Variants in RAP1GDS1 observed in about 807,000 individuals in gnomAD.
RAP1GDS1 encodes RAP1, GTP-GDP dissociation stimulator 1.
A neutral mutation model predicts 71.1 loss-of-function variants in RAP1GDS1; 35 were observed. That is an observed-to-expected ratio of 0.49 (90% CI 0.38 to 0.65). The LOEUF (loss-of-function observed/expected upper bound fraction) is 0.65, where lower values mean the gene tolerates loss of function less well. Ranked by LOEUF, RAP1GDS1 falls within the 30% of genes least tolerant of loss-of-function variation. The pLI, the probability that RAP1GDS1 is intolerant of heterozygous loss-of-function variation, is 0.00. For missense variants in RAP1GDS1, 663 were observed against 706.1 expected (o/e 0.94, Z 0.69); for synonymous variants, 229 against 243.1 (o/e 0.94, Z 0.54).
intron 2 of RAP1GDS1, among the ~76,000 whole-genome samples, chr4:98,339,994 A>G (rs1173980842): frequency 6.6e-6 from 1 of 151,738 alleles, no homozygotes; most frequent in Non-Finnish European, 1.5e-5. Flanking sequence ...TCATTCTACA[A>G]GTTGGAATAG....
intron 2 of RAP1GDS1, among the ~76,000 whole-genome samples, chr4:98,342,398 T>A (rs768609687): frequency 9.2e-5 from 14 of 152,196 alleles, no homozygotes; most frequent in Non-Finnish European, 2.1e-4. Flanking sequence ...ATAATAATTT[T>A]ATTTCTTTGA....
rs1738455906 is a variant in RAP1GDS1 at position 98,359,773 on chromosome 4, C to T, written c.361+7172C>T. On this transcript the variant is annotated intron_variant, in intron 4 of 14. Transcript: ENST00000408927. Reference sequence around the variant, plus strand: ...GAAATTGATATTTTCAGTTTTGTAGCATCATATAGTCTAATTGGAATGGAC... The same window carrying T: ...GAAATTGATATTTTCAGTTTTGTAGTATCATATAGTCTAATTGGAATGGAC... 2.6e-5 allele frequency among the ~76,000 whole-genome samples: 4 copies of T among 152,202 alleles called. No homozygotes were observed. The East Asian group carries it at 5.8e-4, about 22-fold the overall frequency.
chr4:98,269,166 T>G (rs538486162), intron 1 of RAP1GDS1, among the ~76,000 whole-genome samples: 302 of 119,444 alleles, frequency 2.5e-3, no homozygotes, highest in Non-Finnish European at 4.0e-3. Context: ...TACAGTCAAT[T>G]GATCTTCAAA....
intron 5 of RAP1GDS1, among the ~76,000 whole-genome samples, chr4:98,384,698 A>G (rs550753067): frequency 6.6e-6 from 1 of 151,738 alleles, no homozygotes; most frequent in African/African-American, 2.4e-5. Flanking sequence ...ATGATCAAGT[A>G]TTGGCATTTA....
intron 3 of RAP1GDS1, among the ~76,000 whole-genome samples, chr4:98,343,588 T>A (rs1735801611): frequency 6.6e-6 from 1 of 152,180 alleles, no homozygotes; most frequent in African/African-American, 2.4e-5. Flanking sequence ...TAAGAGATAA[T>A]ATATTTTTAA....
chr4:98,352,162 G>A (rs975788549), intron 3 of RAP1GDS1, among the ~76,000 whole-genome samples: 5 of 151,918 alleles, frequency 3.3e-5, no homozygotes, highest in African/African-American at 1.2e-4. Flanking sequence ...TGCTTCCAAA[G>A]CATATCGTTA....
intron 6 of RAP1GDS1, chr4:98,396,570 A>G (rs1744579258): frequency 1.3e-5 from 2 of 152,244 alleles, no homozygotes; most frequent in South Asian, 2.1e-4. Flanking sequence ...GGTTCATACT[A>G]TAATTTCAGT....
intron 1 of RAP1GDS1, among the ~76,000 whole-genome samples, chr4:98,272,329 G>A (rs931577675): frequency 4.6e-5 from 7 of 152,048 alleles, no homozygotes; most frequent in African/African-American, 1.7e-4. Flanking sequence ...TCCATGCTTC[G>A]GGATTTATCA....
intron 2 of RAP1GDS1, among the ~76,000 whole-genome samples, chr4:98,332,478 G>A (rs1194576455): frequency 1.3e-5 from 2 of 152,100 alleles, no homozygotes; most frequent in African/African-American, 4.8e-5. Context: ...AAAAGAGAGA[G>A]TCCCAGTTAT....
chr4:98,268,192 A>T lies in RAP1GDS1; in HGVS notation c.4+6623A>T, dbSNP rs371318185. 2.0e-5 allele frequency among the ~76,000 whole-genome samples: 3 copies of T among 152,306 alleles called. No homozygotes were observed. The South Asian group carries it at 6.2e-4, about 32-fold the overall frequency. On this transcript the variant is annotated intron_variant, in intron 1 of 14. Transcript: ENST00000408927. ...CACAAATCAATAAATGTGATACACC[A>T]CGTTAACAGAATGAAGAACAAAAAT...
At chr4:98,284,017 C>T (rs1243377396) in intron 1 of RAP1GDS1, among the ~76,000 whole-genome samples, 2 of 152,040 alleles carry the variant, frequency 1.3e-5, no homozygotes, top group Non-Finnish European at 2.9e-5. Flanking sequence ...CAAAGTTCAG[C>T]TACCTATACA....
chr4:98,378,095 C>T (rs1362841602), intron 4 of RAP1GDS1, among the ~76,000 whole-genome samples: 1 of 151,818 alleles, frequency 6.6e-6, no homozygotes, highest in Non-Finnish European at 1.5e-5. Context: ...ATTTAAATTA[C>T]ACATGTGGTT....
intron 6 of RAP1GDS1, among the ~76,000 whole-genome samples, chr4:98,397,797 C>A (rs1744772589): frequency 2.0e-5 from 3 of 152,210 alleles, no homozygotes; most frequent in Admixed American, 2.0e-4. Flanking sequence ...AAGAGGGTTT[C>A]TTGATGGAGG....
At position 98,443,015 on chromosome 4, in the gene RAP1GDS1, A is replaced by ATTTTTTTTTTTTTTTTTTTTTTTTTTTTT. The variant is rs397994660; in HGVS notation, c.*921_*922insTTTTTTTTTTTTTTTTTTTTTTTTTTTTT. On this transcript the variant is annotated 3_prime_UTR_variant, in exon 15 of 15. Transcript: ENST00000408927. ...TGAGTATAGTTCATTGAAGAATGGAATTTTTTTTTTTTTTTTTTTTTTTGC... is the reference window on the plus strand; with the variant it reads ...TGAGTATAGTTCATTGAAGAATGGAATTTTTTTTTTTTTTTTTTTTTTTTTTTTTTTTTTTTTTTTTTTTTTTTTTTTGC... 6 of 138,312 alleles carry ATTTTTTTTTTTTTTTTTTTTTTTTTTTTT rather than the reference A, an allele frequency of 4.3e-5. No homozygotes were observed. Among genetic ancestry groups the ATTTTTTTTTTTTTTTTTTTTTTTTTTTTT allele is most frequent in the African/African-American group, 1.6e-4 (4 of 25,348 alleles). The allele number at this position is 138,312 out of a possible 1,614,324, so 8.6% of individuals were successfully genotyped here. A position where few individuals can be genotyped will look rare whatever the true frequency, so the allele number is the denominator to read the frequency against.
intron 1 of RAP1GDS1, among the ~76,000 whole-genome samples, chr4:98,271,028 T>C (rs1167486078): frequency 6.6e-6 from 1 of 152,184 alleles, no homozygotes; most frequent in Non-Finnish European, 1.5e-5. Flanking sequence ...TGACTGTTTA[T>C]GTTATTGGTA....
At chr4:98,315,892 A>G (rs1470564181) in intron 2 of RAP1GDS1, among the ~76,000 whole-genome samples, 1 of 152,152 alleles carries the variant, frequency 6.6e-6, no homozygotes, top group Non-Finnish European at 1.5e-5. Context: ...AAATGTTTAC[A>G]TTATAGGAAT....
chr4:98,421,431 A>C, intron 12 of RAP1GDS1, 37 bp downstream of exon 12: 1 of 1,535,240 alleles, frequency 6.5e-7, no homozygotes. Context: ...AGAAAACTTC[A>C]GAGTGTCTTT....
rs555869165 is a variant in RAP1GDS1, at chr4:98,346,667, CCT to C, written c.235+3407_235+3408del. ...TCAAGCAATTCTCCTGCCTCAGCCC[CCT>C]GAGTAGGTGGAATTACAGGCACGTA... is the stretch of plus-strand genomic sequence containing the variant. On this transcript the variant is annotated intron_variant, in intron 3 of 14. Coordinates refer to ENST00000408927, the MANE Select transcript of RAP1GDS1 (RefSeq NM_001100427.2). 1.2e-4 allele frequency among the ~76,000 whole-genome samples: 19 copies of C among 152,148 alleles called. No homozygotes were observed. In the South Asian group the frequency reaches 3.9e-3, roughly 32 times the overall value.
chr4:98,329,411 C>CT (rs1240561972), intron 2 of RAP1GDS1, among the ~76,000 whole-genome samples: 6 of 152,076 alleles, frequency 3.9e-5, no homozygotes, highest in African/African-American at 7.2e-5. Context: ...TCTTAACAGT[C>CT]TTTTGAACCC....
Sources: gnomAD v4.1 joint callset for allele counts (sites outside exome capture counted in the v4.1 genomes callset) on GRCh38, gnomAD v4.1.1 for gene constraint, MANE v1.5 for transcripts, NCBI Gene and HGNC (gene_info 2026-07-23, HGNC 2026-07-21) for gene names.